SORL1: variants seen among roughly 807,000 people sequenced by gnomAD.
SORL1 encodes the protein sortilin related receptor 1.
Under a neutral mutation model 273.7 loss-of-function variants are expected in SORL1, and 127 were observed. The observed-to-expected ratio is 0.46, with a 90% CI of 0.40 to 0.54. The LOEUF is 0.54. Ranked by LOEUF, SORL1 falls within the 20% of genes least tolerant of loss-of-function variation. The pLI is 0.00. For missense variants in SORL1, 2,494 were observed against 2,846.1 expected, an observed-to-expected ratio of 0.88 and a Z score of 2.81; for synonymous variants, 1,031 against 1,067.4, an observed-to-expected ratio of 0.97 and a Z score of 0.66.
chr11:121,490,355 G>A (rs1861534218), intron 5 of SORL1, among the ~76,000 whole-genome samples: 1 of 152,126 alleles, frequency 6.6e-6, no homozygotes, highest in African/African-American at 2.4e-5. Flanking sequence ...AATCAATCAG[G>A]GAACCCAGGG....
At chr11:121,572,558 G>A (rs1862859558) in intron 23 of SORL1, among the ~76,000 whole-genome samples, 1 of 152,218 alleles carries the variant, frequency 6.6e-6, no homozygotes, top group Non-Finnish European at 1.5e-5. Context: ...GTGCCTGCAT[G>A]TGTGTCTCCC....
intron 3 of SORL1, among the ~76,000 whole-genome samples, chr11:121,482,016 A>T (rs1056750415): frequency 6.6e-6 from 1 of 152,044 alleles, no homozygotes; most frequent in Non-Finnish European, 1.5e-5. Context: ...AGCTTCTTCC[A>T]TAGTACACAG....
In SORL1 at chr11:121,559,531, T is replaced by C; in HGVS notation, c.2923T>C (p.Trp975Arg). The change falls in exon 21 of 48, where the codon TGG becomes CGG. Residue 975 changes from tryptophan to arginine, a missense_variant. This residue lies in a region of SORL1 where 1,609 missense variants were observed against 1,816.4 expected (regional missense o/e 0.89). Transcript: ENST00000260197. ...GTTTTCTTTTTAGAATGAAATCTACTGGGATGACTGGTCACAGCTCAGCAT... is the reference window on the plus strand; with the variant it reads ...GTTTTCTTTTTAGAATGAAATCTACCGGGATGACTGGTCACAGCTCAGCAT... Reference protein sequence around the residue: ...AIAVFKNEIYWDDWSQLSIFR... With the variant: ...AIAVFKNEIYRDDWSQLSIFR... The C allele has an allele frequency of 1.9e-6, 3 of 1,613,234 alleles. No individual in the cohort carries two copies. Among genetic ancestry groups the C allele is most frequent in the Non-Finnish European group, 2.5e-6 (3 of 1,179,780 alleles).
At chr11:121,463,221 T>C (rs1309694855) in intron 1 of SORL1, among the ~76,000 whole-genome samples, 1 of 152,092 alleles carries the variant, frequency 6.6e-6, no homozygotes, top group Non-Finnish European at 1.5e-5. Context: ...TTTCATTTAA[T>C]TGTTCTCTGA....
intron 47 of SORL1, chr11:121,629,027 G>A (rs78843457): frequency 6.3e-6 from 1 of 159,760 alleles, no homozygotes; most frequent in South Asian, 1.7e-4. Flanking sequence ...ATTATACCGG[G>A]CGTCACAAGG....
chr11:121,462,661 T>G (rs1171394382), intron 1 of SORL1, among the ~76,000 whole-genome samples: 2 of 152,200 alleles, frequency 1.3e-5, no homozygotes, highest in East Asian at 3.8e-4. Context: ...CATAGCTCAC[T>G]GCGGCCTCGA....
chr11:121,490,994 G>A (rs1024930606), intron 5 of SORL1, among the ~76,000 whole-genome samples: 7 of 152,150 alleles, frequency 4.6e-5, no homozygotes, highest in African/African-American at 1.7e-4. Context: ...AAACAGCTGT[G>A]TAGAGGAGGT....
intron 25 of SORL1, among the ~76,000 whole-genome samples, chr11:121,578,848 G>T (rs1862973499): frequency 6.6e-6 from 1 of 152,218 alleles, no homozygotes; most frequent in Non-Finnish European, 1.5e-5. Flanking sequence ...TGAAAAGACT[G>T]CAGGAAAATG....
Position 121,604,263 on chromosome 11 carries a change from C to T in SORL1, c.4590C>T (p.Leu1530=), listed in dbSNP as rs374387449. The T allele has an allele frequency of 5.0e-6, 8 of 1,614,112 alleles. No homozygotes were observed. The East Asian group carries it at 6.7e-5, about 13-fold the overall frequency. ...QCEDGEACIV[L]SERCDGFLDC... ...AGGACGGGGAGGCCTGCATTGTGCT[C>T]TCGGAGCGCTGCGACGGCTTCCTGG... Residue 1530 remains leucine, a synonymous_variant, in exon 33 of 48, where the codon CTC becomes CTT. Coordinates refer to ENST00000260197, the MANE Select transcript of SORL1 (RefSeq NM_003105.6).
chr11:121,621,508 A>C (rs1490721311), intron 44 of SORL1, among the ~76,000 whole-genome samples: 1 of 152,114 alleles, frequency 6.6e-6, no homozygotes, highest in African/African-American at 2.4e-5. Flanking sequence ...GATATTACTA[A>C]AGGAAAAGAG....
intron 23 of SORL1, among the ~76,000 whole-genome samples, chr11:121,573,931 C>T (rs913897766): frequency 5.3e-5 from 8 of 152,156 alleles, no homozygotes; most frequent in Admixed American, 6.5e-5. Flanking sequence ...AGACACTTTT[C>T]GCGTCTGAAG....
chr11:121,588,538 A>G (rs1863157193), intron 28 of SORL1, among the ~76,000 whole-genome samples: 1 of 152,140 alleles, frequency 6.6e-6, no homozygotes, highest in Non-Finnish European at 1.5e-5. Context: ...TCCTGTCACA[A>G]CTTGCCCCAA....
Position 121,618,913 on chromosome 11 carries a change from T to A in SORL1, c.5724+20T>A, listed in dbSNP as rs1207453660. 4 of 1,613,884 alleles carry A rather than the reference T, an allele frequency of 2.5e-6. No homozygotes were observed. The highest frequency in any genetic ancestry group is 2.5e-6 in the Non-Finnish European group (3 of 1,179,818). ...TTTCTGGTAAGTTTCCCATACCGTTTCAGTTTTTTAAGGGATGTCTTAAGT... is the reference window on the plus strand; with the variant it reads ...TTTCTGGTAAGTTTCCCATACCGTTACAGTTTTTTAAGGGATGTCTTAAGT... On this transcript the variant is annotated intron_variant, in intron 42 of 47. Transcript: ENST00000260197.
At chr11:121,458,148 A>G (rs1054900217) in intron 1 of SORL1, among the ~76,000 whole-genome samples, 1 of 152,190 alleles carries the variant, frequency 6.6e-6, no homozygotes, top group Non-Finnish European at 1.5e-5. Context: ...TGCTTTTGCT[A>G]TGTATTTATG....
chr11:121,553,831 C>T (rs899268365), intron 16 of SORL1, 106 bp from the exon 17 acceptor site: 1 of 1,079,134 alleles, frequency 9.3e-7, no homozygotes, highest in African/African-American at 1.6e-5. Flanking sequence ...ACACCACATG[C>T]CAATGAATTT....
At chr11:121,611,257 A>G (rs2134933050) in intron 39 of SORL1, 99 bp downstream of exon 39, 1 of 810,872 alleles carries the variant, frequency 1.2e-6, no homozygotes, top group Non-Finnish European at 2.0e-6. Flanking sequence ...ACAAAAAACA[A>G]AAAACAAAAA....
At chr11:121,467,255 C>G (rs2134778143) in intron 1 of SORL1, among the ~76,000 whole-genome samples, 1 of 152,180 alleles carries the variant, frequency 6.6e-6, no homozygotes, top group South Asian at 2.1e-4. Flanking sequence ...GGGAGTTTTT[C>G]TTTGTAGAAA....
intron 24 of SORL1, among the ~76,000 whole-genome samples, chr11:121,575,510 T>C (rs1862915156): frequency 6.6e-6 from 1 of 152,252 alleles, no homozygotes; most frequent in South Asian, 2.1e-4. Context: ...GGACACAGCC[T>C]GCTTGATTAT....
rs1842240231 is a variant in SORL1 at position 121,520,859 on chromosome 11, CT to C, written c.1404+13del. 1.9e-6 allele frequency: 3 copies of C among 1,558,896 alleles called. No homozygotes were observed. Among genetic ancestry groups the C allele is most frequent in the Non-Finnish European group, 1.7e-6 (2 of 1,154,390 alleles). On this transcript the variant is annotated intron_variant, in intron 9 of 47. Transcript: ENST00000260197. Reference sequence around the variant, plus strand: ...GAAAATCAATTGTGAGGTATTGATGCTTTAATCTTCTTTTGCTTTTTAATAT... The same window carrying C: ...GAAAATCAATTGTGAGGTATTGATGCTTAATCTTCTTTTGCTTTTTAATAT...
Sources: gnomAD v4.1 joint callset for allele counts (sites outside exome capture counted in the v4.1 genomes callset) on GRCh38, gnomAD v4.1.1 for gene constraint, gnomAD v4.1.1 regional missense constraint, MANE v1.5 for transcripts, NCBI Gene and HGNC (gene_info 2026-07-23, HGNC 2026-07-21) for gene names.